THSD7B: variants seen among roughly 807,000 people sequenced by gnomAD.
The protein encoded by THSD7B is thrombospondin type 1 domain containing 7B.
A neutral mutation model predicts 213.6 loss-of-function variants in THSD7B; 138 were observed. That is an observed-to-expected ratio of 0.65 (90% CI 0.56 to 0.74). THSD7B has a LOEUF of 0.74. THSD7B is among the 30% of genes least tolerant of loss of function. The probability of loss-of-function intolerance (pLI) is 0.00; values close to 1 mark genes in which losing one functional copy is unlikely to be tolerated. For missense variants in THSD7B, 1,931 were observed against 1,991.5 expected (o/e 0.97, Z 0.58); for synonymous variants, 742 against 687.0 (o/e 1.08, Z -1.25).
intron 12 of THSD7B, among the ~76,000 whole-genome samples, chr2:137,372,149 G>A (rs1188079035): frequency 6.6e-6 from 1 of 151,888 alleles, no homozygotes; most frequent in South Asian, 2.1e-4. Context: ...CTGAATGGAC[G>A]TCCAAGAGAA....
chr2:137,653,369 C>A lies in THSD7B; in HGVS notation c.3946-2132C>A, dbSNP rs1683172924. On this transcript the variant is annotated intron_variant, in intron 21 of 27. Transcript: ENST00000409968. ...TTTAAGGTCCTGTTTTTCTCCTTCA[C>A]CTTGGAAAGTTTGATTATTATGCGC... Among the ~76,000 whole-genome samples the A allele has an allele frequency of 1.3e-5, 2 of 151,952 alleles. 1 individual carries two copies. The highest frequency in any genetic ancestry group is 4.2e-4 in the South Asian group (2 of 4,816).
chr2:137,177,106 G>A (rs879857482), intron 7 of THSD7B, among the ~76,000 whole-genome samples: 1 of 152,160 alleles, frequency 6.6e-6, no homozygotes, highest in Admixed American at 6.6e-5. Context: ...TCTCATGAGA[G>A]ATCATTCAAT....
At chr2:137,187,761 T>C (rs1309327033) in intron 7 of THSD7B, among the ~76,000 whole-genome samples, 5 of 152,236 alleles carry the variant, frequency 3.3e-5, no homozygotes, top group African/African-American at 1.2e-4. Context: ...CTTGTGTTGA[T>C]AGACTATCAT....
intron 2 of THSD7B, among the ~76,000 whole-genome samples, chr2:136,958,222 G>T (rs946789483): frequency 3.9e-5 from 6 of 152,094 alleles, no homozygotes; most frequent in Non-Finnish European, 7.4e-5. Context: ...CAAAAGTGAC[G>T]CTAAAGATTT....
intron 10 of THSD7B, among the ~76,000 whole-genome samples, chr2:137,247,764 T>C (rs1682073012): frequency 6.6e-6 from 1 of 152,246 alleles, no homozygotes; most frequent in Admixed American, 6.5e-5. Context: ...GAGTTTTCAG[T>C]ATCAAAAACA....
At chr2:137,337,511 C>T (rs941257793) in intron 12 of THSD7B, among the ~76,000 whole-genome samples, 2 of 152,052 alleles carry the variant, frequency 1.3e-5, no homozygotes, top group African/African-American at 2.4e-5. Context: ...TATGTTGTGT[C>T]TGGAGGATTT....
intron 15 of THSD7B, among the ~76,000 whole-genome samples, chr2:137,562,677 T>G (rs1573710913): frequency 6.7e-6 from 1 of 150,040 alleles, no homozygotes; most frequent in South Asian, 2.1e-4. Flanking sequence ...ATAGCTAAAT[T>G]TATATGAAGC....
At chr2:137,537,335 T>C (rs1250966644) in intron 15 of THSD7B, among the ~76,000 whole-genome samples, 1 of 151,790 alleles carries the variant, frequency 6.6e-6, no homozygotes, top group Admixed American at 6.6e-5. Flanking sequence ...TGATTAAGGA[T>C]TTTTAATGTT....
chr2:137,290,419 T>C (rs1683302184), intron 12 of THSD7B, among the ~76,000 whole-genome samples: 1 of 152,200 alleles, frequency 6.6e-6, no homozygotes, highest in African/African-American at 2.4e-5. Context: ...AGTCCGTAAC[T>C]CTACTCCTGT....
intron 14 of THSD7B, among the ~76,000 whole-genome samples, chr2:137,419,293 T>A (rs117731159): frequency 6.6e-6 from 1 of 151,672 alleles, no homozygotes; most frequent in East Asian, 1.9e-4. Flanking sequence ...TCTGCCAGGC[T>A]GTGCCTGGCT....
rs192932213 is a variant in THSD7B, at chr2:136,898,449, G to A, written c.139+16132G>A. ...CGTCTTCCAAAGTGCTGGGATTACA[G>A]GCATGAGCCACAGCGCCCAGCCCCA... On this transcript the variant is annotated intron_variant, in intron 2 of 27. Transcript: ENST00000409968. Among the ~76,000 whole-genome samples, 532 of 152,144 alleles carry A rather than the reference G, an allele frequency of 3.5e-3. 1 individual carries two copies. The highest frequency in any genetic ancestry group is 0.012 in the African/African-American group (512 of 41,512).
At chr2:137,063,488 G>A (rs1466055074) in intron 3 of THSD7B, among the ~76,000 whole-genome samples, 1 of 151,998 alleles carries the variant, frequency 6.6e-6, no homozygotes, top group African/African-American at 2.4e-5. Context: ...CAGGGTAAAT[G>A]GAGTATTTAT....
At chr2:137,179,503 A>C (rs1010838996) in intron 7 of THSD7B, among the ~76,000 whole-genome samples, 3 of 152,036 alleles carry the variant, frequency 2.0e-5, no homozygotes, top group Non-Finnish European at 4.4e-5. Context: ...GTATGACTAG[A>C]AAAGGAAAAG....
intron 1 of THSD7B, among the ~76,000 whole-genome samples, chr2:136,872,326 G>A (rs976106777): frequency 9.2e-5 from 13 of 141,012 alleles, no homozygotes; most frequent in Non-Finnish European, 1.5e-4. Context: ...GCGACTCCAG[G>A]TGTTGCCTCT....
intron 15 of THSD7B, among the ~76,000 whole-genome samples, chr2:137,457,525 C>A (rs1194763561): frequency 1.3e-5 from 2 of 152,176 alleles, no homozygotes; most frequent in Non-Finnish European, 2.9e-5. Flanking sequence ...TCCCTAATCC[C>A]TTAACTCCTA....
chr2:136,771,663 G>A (rs1573631060), intron 1 of THSD7B, among the ~76,000 whole-genome samples: 1 of 152,186 alleles, frequency 6.6e-6, no homozygotes, highest in East Asian at 1.9e-4. Flanking sequence ...AATTCACAAA[G>A]CCCTCTCTCA....
rs559312723 is a variant in THSD7B at position 137,424,818 on chromosome 2, T to A, written c.2959+12946T>A. Among the ~76,000 whole-genome samples, 6 of 152,200 alleles carry A rather than the reference T, an allele frequency of 3.9e-5. No homozygotes were observed. In the East Asian group the frequency reaches 1.2e-3, roughly 29 times the overall value. On this transcript the variant is annotated intron_variant, in intron 14 of 27. Coordinates refer to ENST00000409968, the MANE Select transcript of THSD7B (RefSeq NM_001316349.2). The stretch of plus-strand genomic sequence containing the variant: ...CGGGCACAGTGGTTCACGCCTGTAA[T>A]CCCAGCACTTTGGGAGGCCGAGGGA...
intron 7 of THSD7B, among the ~76,000 whole-genome samples, chr2:137,220,030 T>C (rs1157559894): frequency 1.3e-5 from 2 of 152,190 alleles, no homozygotes; most frequent in Non-Finnish European, 2.9e-5. Context: ...ATTCACTCTA[T>C]CCAAAATTAT....
chr2:137,058,343 G>A (rs1484982924), intron 3 of THSD7B, among the ~76,000 whole-genome samples: 3 of 152,184 alleles, frequency 2.0e-5, no homozygotes, highest in Non-Finnish European at 2.9e-5. Flanking sequence ...TTGAATGTGT[G>A]TGGGGTTGTG....
Sources: allele counts gnomAD v4.1 joint callset (sites outside exome capture counted in the v4.1 genomes callset), GRCh38; gene constraint gnomAD v4.1.1; transcripts MANE v1.5; gene names NCBI Gene and HGNC (gene_info 2026-07-23, HGNC 2026-07-21).